Variants in CADPS observed in about 807,000 individuals in gnomAD.
The protein encoded by CADPS is calcium-dependent secretion activator 1.
A neutral mutation model predicts 167.3 loss-of-function variants in CADPS; 57 were observed. That is an observed-to-expected ratio of 0.34 (90% confidence interval 0.28 to 0.42). The LOEUF (loss-of-function observed/expected upper bound fraction) is 0.42, where lower values mean the gene tolerates loss of function less well. CADPS is among the 20% of genes least tolerant of loss of function. The pLI, the probability that CADPS is intolerant of heterozygous loss-of-function variation, is 1.00. For synonymous variants in CADPS, 676 were observed against 635.3 expected, an observed-to-expected ratio of 1.06 and a Z score of -0.96; for missense variants, 1,414 against 1,738.1, an observed-to-expected ratio of 0.81 and a Z score of 3.32.
chr3:62,506,996 C>A (rs58243835), intron 17 of CADPS, among the ~76,000 whole-genome samples: 145 of 152,290 alleles, frequency 9.5e-4, no homozygotes, highest in African/African-American at 3.3e-3. Context: ...TTTCTGAGAC[C>A]AACTCCTTCA....
At position 62,465,557 on chromosome 3, in the gene CADPS, C is replaced by A; in HGVS notation, c.3553-107G>T. 1.5e-6 allele frequency: 1 copy of A among 674,924 alleles called. No homozygotes were observed. The highest frequency in any genetic ancestry group is 2.5e-5 in the South Asian group (1 of 39,780). The allele number at this position is 674,924 out of a possible 1,614,324, so 41.8% of individuals were successfully genotyped here. A position where few individuals can be genotyped will look rare whatever the true frequency, so the allele number is the denominator to read the frequency against. ...AAAGGCTGGGATCGAGCCCTCCGTT[C>A]ATTTCTGCAGTCTATTATTTGATTC... On this transcript the variant is annotated intron_variant, in intron 25 of 29. Transcript: ENST00000383710. This position sits in a 1 kb window ranked among gnomAD's most constrained non-coding sequence, Gnocchi z 4.1.
chr3:62,822,760 T>C (rs1172534208), intron 1 of CADPS, among the ~76,000 whole-genome samples: 1 of 152,070 alleles, frequency 6.6e-6, no homozygotes, highest in Non-Finnish European at 1.5e-5. Flanking sequence ...GAGAACGGCT[T>C]GAACCTGGGA....
intron 1 of CADPS, among the ~76,000 whole-genome samples, chr3:62,844,323 C>T (rs1035431079): frequency 6.6e-6 from 1 of 152,124 alleles, no homozygotes; most frequent in Non-Finnish European, 1.5e-5. Flanking sequence ...ACAGTAAAAC[C>T]ATCTGGTTGA....
intron 6 of CADPS, among the ~76,000 whole-genome samples, chr3:62,641,701 A>G (rs956490912): frequency 1.1e-4 from 17 of 152,172 alleles, no homozygotes; most frequent in Non-Finnish European, 1.9e-4. Flanking sequence ...TTGATCGTAT[A>G]TTCTCCTGGC....
At chr3:62,530,700 T>C (rs2073450335) in intron 13 of CADPS, 1 of 1,289,016 alleles carries the variant, frequency 7.8e-7, no homozygotes, top group East Asian at 5.6e-5. Context: ...TTTCTTTTTT[T>C]GGATTCCTTT....
intron 6 of CADPS, among the ~76,000 whole-genome samples, chr3:62,620,141 G>A (rs1053272927): frequency 6.6e-6 from 1 of 151,944 alleles, no homozygotes; most frequent in African/African-American, 2.4e-5. Flanking sequence ...TAACCGTATT[G>A]GAAAGAGAAT....
chr3:62,777,971 C>T (rs1673695313), intron 1 of CADPS, among the ~76,000 whole-genome samples: 1 of 152,200 alleles, frequency 6.6e-6, no homozygotes, highest in East Asian at 1.9e-4. Context: ...GACTTTTCTC[C>T]ACTCACAAAT....
intron 3 of CADPS, among the ~76,000 whole-genome samples, chr3:62,684,842 G>C (rs2077718627): frequency 6.6e-6 from 1 of 151,900 alleles, no homozygotes. Flanking sequence ...TCAGATGCAA[G>C]ACGACATTTA....
At chr3:62,660,138 A>G (rs1356928419) in intron 4 of CADPS, among the ~76,000 whole-genome samples, 1 of 148,430 alleles carries the variant, frequency 6.7e-6, no homozygotes, top group Non-Finnish European at 1.5e-5. Context: ...AAAAATTAAA[A>G]TTAGCCTAAC....
chr3:62,550,947 T>TA, intron 10 of CADPS: 1 of 456,688 alleles, frequency 2.2e-6, no homozygotes, highest in Admixed American at 2.3e-5. Context: ...TGCTGCTCCT[T>TA]AGTCTTGTCT....
intron 3 of CADPS, among the ~76,000 whole-genome samples, chr3:62,723,459 A>T (rs77071471): frequency 0.014 from 2,204 of 152,166 alleles, 25 homozygotes; most frequent in Non-Finnish European, 0.02. Context: ...TGTGGGGCTC[A>T]CCTCTGCTGT....
intron 9 of CADPS, among the ~76,000 whole-genome samples, chr3:62,567,765 G>A (rs902145614): frequency 1.3e-5 from 2 of 151,498 alleles, no homozygotes; most frequent in African/African-American, 4.8e-5. Flanking sequence ...AGTAGAGATG[G>A]GTTTTCACCA....
Position 62,727,430 on chromosome 3 carries a change from T to A in CADPS, c.888+26011A>T, listed in dbSNP as rs373733855. Among the ~76,000 whole-genome samples the A allele has an allele frequency of 2.6e-5, 4 of 151,890 alleles. No homozygotes were observed. In the East Asian group the frequency reaches 5.8e-4, roughly 22 times the overall value. On this transcript the variant is annotated intron_variant, in intron 3 of 29. Transcript: ENST00000383710. ...AAGAACAGGTTTAGTTGGTGAGAAA[T>A]CTGTGGAGCATTGTTGATTTTACAG...
intron 6 of CADPS, among the ~76,000 whole-genome samples, chr3:62,610,962 G>A (rs922803728): frequency 6.6e-6 from 1 of 152,096 alleles, no homozygotes; most frequent in South Asian, 2.1e-4. Flanking sequence ...TCACACAGGG[G>A]TGTGGGGGAG....
In CADPS at chr3:62,492,195, G is replaced by A. The variant is rs757980698; in HGVS notation, c.2884+95C>T. On this transcript the variant is annotated intron_variant, in intron 20 of 29. Transcript: ENST00000383710. The stretch of plus-strand genomic sequence containing the variant: ...TCATAATAAAACCATGAAGAGCTAT[G>A]TCAAGCCTGTAGTCTGCTTGGGATA... The A allele has an allele frequency of 7.7e-4, 804 of 1,042,432 alleles. 16 individuals are homozygous for A. Among genetic ancestry groups the A allele is most frequent in the Non-Finnish European group, 1.7e-4 (117 of 688,706 alleles). 64.6% of individuals were successfully genotyped at this position (1,042,432 alleles called of 1,614,324 possible).
At chr3:62,495,652 C>T (rs2064591917) in intron 18 of CADPS, among the ~76,000 whole-genome samples, 1 of 152,212 alleles carries the variant, frequency 6.6e-6, no homozygotes, top group South Asian at 2.1e-4. Context: ...CACAAACTAA[C>T]ATGTATATAT....
chr3:62,795,316 A>T (rs1194057214), intron 1 of CADPS, among the ~76,000 whole-genome samples: 1 of 151,730 alleles, frequency 6.6e-6, no homozygotes, highest in East Asian at 1.9e-4. Context: ...CATCACCCTC[A>T]CATTTTCTAT....
chr3:62,413,908 C>A (rs573683796), intron 28 of CADPS, among the ~76,000 whole-genome samples: 20 of 151,394 alleles, frequency 1.3e-4, no homozygotes, highest in Non-Finnish European at 4.4e-5. Context: ...AAAAAAAAAT[C>A]TTTGTAAGAT....
At chr3:62,748,872 T>C (rs750348409) in intron 3 of CADPS, among the ~76,000 whole-genome samples, 2 of 152,150 alleles carry the variant, frequency 1.3e-5, no homozygotes, top group African/African-American at 2.4e-5. Context: ...CACACCCAGC[T>C]AGTTTTTAAA....
Sources: allele counts gnomAD v4.1 joint callset (sites outside exome capture counted in the v4.1 genomes callset), GRCh38; gene constraint gnomAD v4.1.1; non-coding constraint Gnocchi (gnomAD v3.1); transcripts MANE v1.5; gene names NCBI Gene and HGNC (gene_info 2026-07-23, HGNC 2026-07-21).